SCG3: variants seen among roughly 807,000 people sequenced by gnomAD.
SCG3 encodes the protein secretogranin-3.
SCG3 carries 38 observed loss-of-function variants against 56.2 expected under a neutral mutation model. The observed-to-expected ratio is 0.68, with a 90% CI of 0.52 to 0.89. The LOEUF (loss-of-function observed/expected upper bound fraction) is 0.89, where lower values mean the gene tolerates loss of function less well. SCG3 is among the 40% of genes least tolerant of loss of function. SCG3 has a pLI of 0.00. For missense variants in SCG3, 524 were observed against 540.7 expected (o/e 0.97, Z 0.31); for synonymous variants, 176 against 184.2 (o/e 0.96, Z 0.36).
intron 10 of SCG3, among the ~76,000 whole-genome samples, chr15:51,708,857 T>TG (rs2055392989): frequency 6.9e-6 from 1 of 144,984 alleles, no homozygotes; most frequent in East Asian, 2.0e-4. Flanking sequence ...AGACTCCATC[T>TG]AAAAAAAAAA....
intron 10 of SCG3, among the ~76,000 whole-genome samples, chr15:51,712,844 G>T (rs2055429335): frequency 6.6e-6 from 1 of 152,122 alleles, no homozygotes; most frequent in South Asian, 2.1e-4. Context: ...TGCCAGAATT[G>T]GGCAGAAGAC....
intron 4 of SCG3, among the ~76,000 whole-genome samples, chr15:51,686,612 G>C (rs2141558990): frequency 6.6e-6 from 1 of 152,302 alleles, no homozygotes; most frequent in African/African-American, 2.4e-5. Context: ...ACACATAATA[G>C]TGAGTCTCTG....
chr15:51,714,818 C>A (rs2055443181), intron 11 of SCG3, among the ~76,000 whole-genome samples: 1 of 152,200 alleles, frequency 6.6e-6, no homozygotes, highest in Non-Finnish European at 1.5e-5. Context: ...GATGTTCATG[C>A]ATACTTTATT....
chr15:51,689,703 C>T (rs1171676448), intron 6 of SCG3, among the ~76,000 whole-genome samples: 1 of 152,008 alleles, frequency 6.6e-6, no homozygotes, highest in African/African-American at 2.4e-5. Context: ...AGGAAGATCG[C>T]CTGAGGCCAG....
Position 51,699,454 on chromosome 15 carries a change from T to C in SCG3, c.1069+52T>C, listed in dbSNP as rs3765067. ...CCTTTAGAATAATAACCCTTTTGAG[T>C]GGTAAATAATGAACTTTAATAAACA... On this transcript the variant is annotated intron_variant, in intron 9 of 11. Transcript: ENST00000220478. The C allele has an allele frequency of 9.0e-3, 10,070 of 1,120,680 alleles. 404 individuals are homozygous for C. In the East Asian group the frequency reaches 0.11, roughly 12 times the overall value. The allele number at this position is 1,120,680 out of a possible 1,614,324, so 69.4% of individuals were successfully genotyped here.
chr15:51,699,941 G>T (rs1397268948), intron 9 of SCG3, among the ~76,000 whole-genome samples: 1 of 152,142 alleles, frequency 6.6e-6, no homozygotes, highest in Non-Finnish European at 1.5e-5. Context: ...CTGAGCTATG[G>T]AAAGGAGCCT....
At chr15:51,686,720 T>C (rs188725990) in intron 4 of SCG3, among the ~76,000 whole-genome samples, 1 of 152,304 alleles carries the variant, frequency 6.6e-6, no homozygotes, top group African/African-American at 2.4e-5. Flanking sequence ...TGTTTGTTTG[T>C]TTTTCTTAGG....
At position 51,705,304 on chromosome 15, in the gene SCG3, T is replaced by C. The variant is rs560803763; in HGVS notation, c.1207+4060T>C. 7.2e-5 allele frequency among the ~76,000 whole-genome samples: 11 copies of C among 152,252 alleles called. No individual in the cohort carries two copies. In the East Asian group the frequency reaches 1.7e-3, roughly 24 times the overall value. On this transcript the variant is annotated intron_variant, in intron 10 of 11. Coordinates refer to ENST00000220478, the MANE Select transcript of SCG3 (RefSeq NM_013243.4). The stretch of plus-strand genomic sequence containing the variant: ...ATCGCTGTGCACAGGGCTGTAGGAA[T>C]GGGTGCTGACATTTCTGTTTGGTTT...
chr15:51,706,744 G>A (rs538821189), intron 10 of SCG3, among the ~76,000 whole-genome samples: 2 of 152,012 alleles, frequency 1.3e-5, no homozygotes, highest in South Asian at 2.1e-4. Context: ...TACAAAGCAC[G>A]TTTCTATGAA....
chr15:51,681,693 A>G lies in SCG3; in HGVS notation c.-63A>G. Reference sequence around the variant, plus strand: ...CTGTTTTTACTCCTCCTTTTCATTCATAACAAAAGCTACAGCTCCAGGAGC... The same window carrying G: ...CTGTTTTTACTCCTCCTTTTCATTCGTAACAAAAGCTACAGCTCCAGGAGC... On this transcript the variant is annotated 5_prime_UTR_variant, in exon 1 of 12. Transcript: ENST00000220478. The G allele has an allele frequency of 2.5e-6, 3 of 1,198,620 alleles. No individual in the cohort carries two copies. The highest frequency in any genetic ancestry group is 2.5e-5 in the South Asian group (2 of 81,018). 74.2% of individuals were successfully genotyped at this position (1,198,620 alleles called of 1,614,324 possible). A position where few individuals can be genotyped will look rare whatever the true frequency, so the allele number is the denominator to read the frequency against.
Position 51,706,444 on chromosome 15 carries a change from G to A in SCG3, c.1207+5200G>A, listed in dbSNP as rs182187168. Among the ~76,000 whole-genome samples the A allele has an allele frequency of 2.0e-5, 3 of 152,186 alleles. No individual in the cohort carries two copies. The South Asian group carries it at 6.2e-4, about 32-fold the overall frequency. ...CTTGTTGATGAGCCAGACATAGATA[G>A]AACAGGATCCCTTCAGGACGGAAAG... On this transcript the variant is annotated intron_variant, in intron 10 of 11. Transcript: ENST00000220478.
chr15:51,694,643 T>C (rs1362781319), intron 7 of SCG3, among the ~76,000 whole-genome samples: 1 of 152,240 alleles, frequency 6.6e-6, no homozygotes, highest in African/African-American at 2.4e-5. Flanking sequence ...CAGATTTTTT[T>C]TTCTGATTTT....
intron 11 of SCG3, among the ~76,000 whole-genome samples, chr15:51,718,018 G>T (rs1243155781): frequency 1.3e-5 from 2 of 152,190 alleles, no homozygotes; most frequent in Non-Finnish European, 2.9e-5. Context: ...GCCTTGGCTG[G>T]GTGAAAGGAG....
At chr15:51,704,762 T>G (rs2055362854) in intron 10 of SCG3, among the ~76,000 whole-genome samples, 1 of 98,704 alleles carries the variant, frequency 1.0e-5, no homozygotes, top group Admixed American at 1.1e-4. Flanking sequence ...TTGTGAGTAA[T>G]ACATATATAT....
chr15:51,704,317 A>C (rs2055359999), intron 10 of SCG3, among the ~76,000 whole-genome samples: 1 of 144,920 alleles, frequency 6.9e-6, no homozygotes, highest in Non-Finnish European at 1.5e-5. Flanking sequence ...AAATGTACAT[A>C]ACCTAAAATT....
At chr15:51,683,499 C>A in intron 4 of SCG3, 65 bp downstream of exon 4, 2 of 1,003,282 alleles carry the variant, frequency 2.0e-6, no homozygotes, top group Non-Finnish European at 3.0e-6. Flanking sequence ...AGAGAAAGTC[C>A]AATATTTTAA....
chr15:51,698,586 C>T (rs893338896), intron 8 of SCG3, among the ~76,000 whole-genome samples: 2 of 152,164 alleles, frequency 1.3e-5, no homozygotes, highest in African/African-American at 2.4e-5. Context: ...TTTATTGCCA[C>T]GTATAACTGG....
intron 10 of SCG3, among the ~76,000 whole-genome samples, chr15:51,705,423 A>G (rs1157314782): frequency 2.6e-5 from 4 of 152,212 alleles, no homozygotes; most frequent in Admixed American, 6.5e-5. Flanking sequence ...TTGGAGACCA[A>G]TGATAAGAGT....
chr15:51,705,051 A>C (rs978489134), intron 10 of SCG3, among the ~76,000 whole-genome samples: 2 of 151,836 alleles, frequency 1.3e-5, no homozygotes, highest in Non-Finnish European at 2.9e-5. Flanking sequence ...TAAATTTTTA[A>C]AAATAGCTAA....
Sources: gnomAD v4.1 joint callset for allele counts (sites outside exome capture counted in the v4.1 genomes callset) on GRCh38, gnomAD v4.1.1 for gene constraint, MANE v1.5 for transcripts, NCBI Gene and HGNC (gene_info 2026-07-23, HGNC 2026-07-21) for gene names.